The following GDPD1 variants were observed in gnomAD, a reference collection of about 807,000 sequenced individuals.
GDPD1 encodes lysophospholipase D GDPD1.
Under a neutral mutation model 45.1 loss-of-function variants are expected in GDPD1, and 28 were observed. The observed-to-expected ratio is 0.62, with a 90% CI of 0.46 to 0.85. The LOEUF (loss-of-function observed/expected upper bound fraction) is 0.85, where lower values mean the gene tolerates loss of function less well. Among genes scored for constraint, GDPD1 ranks in the 40% least tolerant of loss-of-function variants. GDPD1 has a pLI of 0.00. For synonymous variants in GDPD1, 139 were observed against 131.4 expected, an observed-to-expected ratio of 1.06 and a Z score of -0.40; for missense variants, 256 against 364.8, an observed-to-expected ratio of 0.70 and a Z score of 2.43.
At position 59,270,931 on chromosome 17, in the gene GDPD1, C is replaced by T; in HGVS notation, c.711-5C>T. 1 of 1,577,730 alleles carries T rather than the reference C, an allele frequency of 6.3e-7. No individual in the cohort carries two copies. The highest frequency in any genetic ancestry group is 8.7e-7 in the Non-Finnish European group (1 of 1,155,338). The stretch of plus-strand genomic sequence containing the variant: ...ATTTGTAATTCAAACTTTATTTTAC[C>T]CTAGGCTAAAAGAACCACACACCAT... On this transcript the variant is annotated splice_polypyrimidine_tract_variant and splice_region_variant and intron_variant, in intron 7 of 9. Coordinates refer to ENST00000284116, the MANE Select transcript of GDPD1 (RefSeq NM_182569.4).
At chr17:59,257,063 A>T in intron 4 of GDPD1, 59 bp from the exon 5 acceptor site, 1 of 794,936 alleles carries the variant, frequency 1.3e-6, no homozygotes, top group East Asian at 2.7e-5. Context: ...TACCTTCTCT[A>T]GTCATCAAAA....
intron 1 of GDPD1, among the ~76,000 whole-genome samples, chr17:59,223,625 A>G (rs976985848): frequency 3.9e-5 from 6 of 152,170 alleles, no homozygotes; most frequent in East Asian, 3.8e-4. Context: ...ATTTTTCCCT[A>G]TAAGTAAGGA....
chr17:59,269,549 C>A (rs1035894989), intron 7 of GDPD1, among the ~76,000 whole-genome samples: 1 of 146,778 alleles, frequency 6.8e-6, no homozygotes, highest in Non-Finnish European at 1.5e-5. Flanking sequence ...CCTGGCTGGG[C>A]CAGGGGCTCC....
intron 1 of GDPD1, among the ~76,000 whole-genome samples, chr17:59,233,548 A>T (rs982301069): frequency 6.6e-6 from 1 of 152,054 alleles, no homozygotes; most frequent in African/African-American, 2.4e-5. Flanking sequence ...AAACAAAAAC[A>T]AAACAATGAG....
At chr17:59,262,080 G>C (rs1446647280) in intron 6 of GDPD1, among the ~76,000 whole-genome samples, 2 of 150,818 alleles carry the variant, frequency 1.3e-5, no homozygotes, top group South Asian at 2.1e-4. Context: ...ACTACGCCCG[G>C]CTAATTTTTT....
intron 2 of GDPD1, among the ~76,000 whole-genome samples, chr17:59,238,040 G>A (rs987146694): frequency 1.1e-4 from 16 of 150,838 alleles, no homozygotes; most frequent in Admixed American, 4.0e-4. Flanking sequence ...AGGCCGAGGC[G>A]GGTGGATCAC....
intron 1 of GDPD1, among the ~76,000 whole-genome samples, chr17:59,229,122 G>GTTATTATTA (rs71145540): frequency 1.8e-4 from 24 of 134,404 alleles, no homozygotes; most frequent in Admixed American, 3.1e-4. Flanking sequence ...TCCTCAAATT[G>GTTATTATTA]TTATTATTAT....
intron 1 of GDPD1, among the ~76,000 whole-genome samples, chr17:59,224,624 C>CAAAAAA (rs71145538): frequency 8.7e-6 from 1 of 114,812 alleles, no homozygotes; most frequent in African/African-American, 2.9e-5. Context: ...GACTCCATCT[C>CAAAAAA]AAAAAAAAAA....
rs1239721728 is a variant in GDPD1 at position 59,274,891 on chromosome 17, G to C, written c.*1118G>C. On this transcript the variant is annotated 3_prime_UTR_variant, in exon 10 of 10. Coordinates refer to ENST00000284116, the MANE Select transcript of GDPD1 (RefSeq NM_182569.4). ...TAGTCTTGCTCTGTCGCCGAGGCCGGAGTGCAGTGGTGCGATCTTGGCTCA... is the reference window on the plus strand; with the variant it reads ...TAGTCTTGCTCTGTCGCCGAGGCCGCAGTGCAGTGGTGCGATCTTGGCTCA... Among the ~76,000 whole-genome samples the C allele has an allele frequency of 1.3e-5, 2 of 150,450 alleles. No individual in the cohort carries two copies. Among genetic ancestry groups the C allele is most frequent in the Admixed American group, 6.6e-5 (1 of 15,136 alleles).
chr17:59,254,581 G>A (rs1422920191), intron 4 of GDPD1, among the ~76,000 whole-genome samples: 1 of 151,980 alleles, frequency 6.6e-6, no homozygotes, highest in Non-Finnish European at 1.5e-5. Flanking sequence ...ATAATTTTTA[G>A]AGTTTAATTA....
chr17:59,221,640 C>T (rs1234068411), intron 1 of GDPD1, among the ~76,000 whole-genome samples: 1 of 152,112 alleles, frequency 6.6e-6, no homozygotes. Context: ...CAGGCCAAAT[C>T]TTTGCTTCTT....
intron 1 of GDPD1, among the ~76,000 whole-genome samples, chr17:59,232,940 A>T (rs1317151785): frequency 6.6e-6 from 1 of 152,102 alleles, no homozygotes; most frequent in Non-Finnish European, 1.5e-5. Context: ...GTGAGGCTGG[A>T]TGCAGTGGCT....
At chr17:59,238,146 T>C (rs1389671590) in intron 2 of GDPD1, among the ~76,000 whole-genome samples, 2 of 149,974 alleles carry the variant, frequency 1.3e-5, no homozygotes, top group Non-Finnish European at 3.0e-5. Flanking sequence ...CGCATGCCTG[T>C]AATCCCAGCT....
At chr17:59,252,763 G>T (rs561042608) in intron 4 of GDPD1, among the ~76,000 whole-genome samples, 73 of 151,164 alleles carry the variant, frequency 4.8e-4, no homozygotes, top group African/African-American at 1.7e-3. Flanking sequence ...ACTTTGGGAG[G>T]TTGAGGCAGG....
chr17:59,258,744 T>A (rs1265028900), intron 6 of GDPD1, among the ~76,000 whole-genome samples: 1 of 152,224 alleles, frequency 6.6e-6, no homozygotes, highest in East Asian at 1.9e-4. Flanking sequence ...TATTTCATTA[T>A]GTGTATTAAA....
chr17:59,252,728 G>C (rs542942530), intron 4 of GDPD1, among the ~76,000 whole-genome samples: 3 of 151,112 alleles, frequency 2.0e-5, no homozygotes, highest in Admixed American at 2.0e-4. Flanking sequence ...GGCCTGGTGC[G>C]GTGGCTCACG....
chr17:59,229,198 G>A (rs1408884903), intron 1 of GDPD1, among the ~76,000 whole-genome samples: 1 of 148,838 alleles, frequency 6.7e-6, no homozygotes, highest in Non-Finnish European at 1.5e-5. Flanking sequence ...CTGTCGCCCA[G>A]GCTGGAGTGC....
intron 2 of GDPD1, among the ~76,000 whole-genome samples, chr17:59,238,345 T>C (rs2047150171): frequency 6.6e-6 from 1 of 151,690 alleles, no homozygotes; most frequent in African/African-American, 2.4e-5. Flanking sequence ...TATCCTTTAA[T>C]GTGGTTTATA....
intron 6 of GDPD1, among the ~76,000 whole-genome samples, chr17:59,263,572 G>A (rs1288101743): frequency 2.1e-4 from 28 of 133,210 alleles, no homozygotes; most frequent in Admixed American, 8.2e-4. Context: ...TCCACCTCCC[G>A]GGTTCAAGCG....
Sources: allele counts gnomAD v4.1 joint callset (sites outside exome capture counted in the v4.1 genomes callset), GRCh38; gene constraint gnomAD v4.1.1; transcripts MANE v1.5; gene names NCBI Gene and HGNC (gene_info 2026-07-23, HGNC 2026-07-21).